The following ANKRD30A variants were observed in gnomAD, a reference collection of about 807,000 sequenced individuals.
The protein encoded by ANKRD30A is ankyrin repeat domain 30A.
ANKRD30A carries 170 observed loss-of-function variants against 166.3 expected under a neutral mutation model. The observed-to-expected ratio is 1.02, with a 90% CI of 0.90 to 1.16. The LOEUF is 1.16. Ranked by LOEUF, ANKRD30A falls within the 50% of genes most tolerant of loss-of-function variation. The probability of loss-of-function intolerance (pLI) is 0.00; values close to 1 mark genes in which losing one functional copy is unlikely to be tolerated. For missense variants in ANKRD30A, 1,630 were observed against 1,518.0 expected, an observed-to-expected ratio of 1.07 and a Z score of -1.23; for synonymous variants, 564 against 508.9, an observed-to-expected ratio of 1.11 and a Z score of -1.46.
At chr10:37,245,274 A>T in the ANKRD30A span, among the ~76,000 whole-genome samples, 1 of 152,068 alleles carries the variant, frequency 6.6e-6, no homozygotes, top group Non-Finnish European at 1.5e-5. Context: ...TATTTTGTGT[A>T]TTGAACTTGA....
At position 37,149,610 on chromosome 10, in the gene ANKRD30A, T is replaced by C. The variant is rs200039777; in HGVS notation, c.1544-41T>C. On this transcript the variant is annotated intron_variant, in intron 9 of 35. Coordinates refer to ENST00000361713, the MANE Select transcript of ANKRD30A (RefSeq NM_052997.3). The stretch of plus-strand genomic sequence containing the variant: ...TGCATTCATTTGGTTGGCATTGTCA[T>C]ACTTACTTATGATTGATGATAAATC... 9 of 1,600,182 alleles carry C rather than the reference T, an allele frequency of 5.6e-6. No individual in the cohort carries two copies. In the East Asian group the frequency reaches 2.0e-4, roughly 36 times the overall value.
the ANKRD30A span, chr10:37,248,041 ATC>A: frequency 2.8e-6 from 1 of 362,602 alleles, no homozygotes; most frequent in Non-Finnish European, 5.4e-6. Flanking sequence ...AAAAAAAAAA[ATC>A]ATGTGGTAGA....
intron 25 of ANKRD30A, among the ~76,000 whole-genome samples, chr10:37,192,103 C>T (rs1333737510): frequency 6.6e-6 from 1 of 152,054 alleles, no homozygotes; most frequent in Non-Finnish European, 1.5e-5. Flanking sequence ...ATGGCATGAT[C>T]TTGGCTCACT....
chr10:37,159,989 G>A (rs1374910334), intron 15 of ANKRD30A, among the ~76,000 whole-genome samples: 3 of 152,118 alleles, frequency 2.0e-5, no homozygotes, highest in Admixed American at 6.5e-5. Context: ...GTGAGGCACC[G>A]TGCCCGGCCG....
At chr10:37,135,014 G>A (rs1471875773) in intron 5 of ANKRD30A, among the ~76,000 whole-genome samples, 1 of 152,088 alleles carries the variant, frequency 6.6e-6, no homozygotes, top group Admixed American at 6.6e-5. Flanking sequence ...TTTGTAGTGG[G>A]TTCCAACTTG....
intron 6 of ANKRD30A, among the ~76,000 whole-genome samples, chr10:37,137,404 C>G (rs1836782736): frequency 6.6e-6 from 1 of 152,150 alleles, no homozygotes; most frequent in Non-Finnish European, 1.5e-5. Flanking sequence ...GCGCACTGAG[C>G]ATGAGCCGAA....
chr10:37,231,344 C>T, intron 34 of ANKRD30A, 117 bp from the exon 35 acceptor site: 1 of 744,888 alleles, frequency 1.3e-6, no homozygotes, highest in South Asian at 2.9e-5. Context: ...TAAAGCACGG[C>T]TTAATGGGAA....
rs183522272 is a variant in ANKRD30A at position 37,167,581 on chromosome 10, C to G, written c.2155+886C>G. On this transcript the variant is annotated intron_variant, in intron 19 of 35. Transcript: ENST00000361713. ...ATTAATATTTAAAAATCTGATGCAA[C>G]TAAATTTAAATGAAATACATCAATA... is the stretch of plus-strand genomic sequence containing the variant. 2.3e-3 allele frequency among the ~76,000 whole-genome samples: 355 copies of G among 151,752 alleles called. 4 individuals carry two copies. The highest frequency in any genetic ancestry group is 8.0e-3 in the African/African-American group (329 of 41,228).
chr10:37,127,927 G>T (rs2132501774), intron 1 of ANKRD30A, among the ~76,000 whole-genome samples: 1 of 152,106 alleles, frequency 6.6e-6, no homozygotes, highest in Non-Finnish European at 1.5e-5. Flanking sequence ...AGAAAATAAT[G>T]AAACATACAT....
At chr10:37,258,943 A>G in the ANKRD30A span, among the ~76,000 whole-genome samples, 1 of 147,152 alleles carries the variant, frequency 6.8e-6, no homozygotes, top group Non-Finnish European at 1.5e-5. Flanking sequence ...AGCCTGGGTG[A>G]CAAAGTGAGA....
chr10:37,164,826 T>G (rs185847587), intron 17 of ANKRD30A, among the ~76,000 whole-genome samples: 71 of 152,210 alleles, frequency 4.7e-4, no homozygotes, highest in African/African-American at 1.5e-3. Context: ...GAGAATAGGA[T>G]ATGACTGCTT....
At chr10:37,164,728 A>G (rs1326578255) in intron 17 of ANKRD30A, among the ~76,000 whole-genome samples, 1 of 152,132 alleles carries the variant, frequency 6.6e-6, no homozygotes. Flanking sequence ...TAATACTACC[A>G]AGTAAAAAGT....
At chr10:37,208,081 C>A (rs1438894433) in intron 31 of ANKRD30A, among the ~76,000 whole-genome samples, 1 of 152,022 alleles carries the variant, frequency 6.6e-6, no homozygotes, top group Non-Finnish European at 1.5e-5. Flanking sequence ...AAAAAAAATT[C>A]ATACGAGCTC....
intron 31 of ANKRD30A, among the ~76,000 whole-genome samples, chr10:37,210,404 G>T (rs925712797): frequency 1.3e-5 from 2 of 151,992 alleles, no homozygotes; most frequent in Non-Finnish European, 2.9e-5. Flanking sequence ...CTTTGCTATT[G>T]AGAATACTCC....
intron 15 of ANKRD30A, among the ~76,000 whole-genome samples, chr10:37,161,418 G>T (rs1838858021): frequency 6.6e-6 from 1 of 152,146 alleles, no homozygotes; most frequent in African/African-American, 2.4e-5. Flanking sequence ...TGTATGGGAA[G>T]AATTCTACAG....
At chr10:37,208,555 G>A (rs939645599) in intron 31 of ANKRD30A, among the ~76,000 whole-genome samples, 1 of 152,120 alleles carries the variant, frequency 6.6e-6, no homozygotes, top group East Asian at 1.9e-4. Flanking sequence ...GGGAAATGAT[G>A]TAGGCTTCTT....
chr10:37,196,212 T>G (rs1841093126), intron 27 of ANKRD30A, among the ~76,000 whole-genome samples: 1 of 151,628 alleles, frequency 6.6e-6, no homozygotes, highest in Non-Finnish European at 1.5e-5. Context: ...TGAACTCACT[T>G]CAGATGCATG....
At chr10:37,178,955 C>T (rs1383180446) in intron 24 of ANKRD30A, among the ~76,000 whole-genome samples, 17 of 147,502 alleles carry the variant, frequency 1.2e-4, no homozygotes, top group African/African-American at 4.2e-4. Flanking sequence ...ATGAGGATTA[C>T]TAGAATTGGA....
chr10:37,256,509 C>T, the ANKRD30A span, among the ~76,000 whole-genome samples: 2 of 152,182 alleles, frequency 1.3e-5, no homozygotes, highest in East Asian at 1.9e-4. Flanking sequence ...CACTATACTG[C>T]AAGCTCTATA....
Sources: gnomAD v4.1 joint callset for allele counts (sites outside exome capture counted in the v4.1 genomes callset) on GRCh38, gnomAD v4.1.1 for gene constraint, MANE v1.5 for transcripts, NCBI Gene and HGNC (gene_info 2026-07-23, HGNC 2026-07-21) for gene names.